The following PPP1R10 variants were observed in gnomAD, a reference collection of about 807,000 sequenced individuals.
PPP1R10 encodes protein phosphatase 1 regulatory subunit 10.
A neutral mutation model predicts 99.0 loss-of-function variants in PPP1R10; 15 were observed. The ratio of observed to expected loss-of-function variants is 0.15; its 90% CI spans 0.10 to 0.23. The LOEUF is 0.23. Ranked by LOEUF, PPP1R10 falls within the 10% of genes least tolerant of loss-of-function variation. The pLI is 1.00. For missense variants in PPP1R10, 947 were observed against 1,259.4 expected (o/e 0.75, Z 3.75); for synonymous variants, 430 against 449.5 (o/e 0.96, Z 0.55).
intron 10 of PPP1R10, 67 bp from the exon 11 acceptor site, chr6:30,605,161 A>G: frequency 7.0e-7 from 1 of 1,419,368 alleles, no homozygotes; most frequent in South Asian, 1.2e-5. Context: ...CTGCAAACAC[A>G]GTCCAGGCAT....
At chr6:30,605,876 A>G in intron 10 of PPP1R10, 47 bp downstream of exon 10, 1 of 1,530,346 alleles carries the variant, frequency 6.5e-7, no homozygotes, top group Non-Finnish European at 8.9e-7. Context: ...AAAAAAAAAA[A>G]AAGTTTGCTC....
Position 30,605,550 on chromosome 6 carries a change from G to T in PPP1R10, c.853+373C>A, listed in dbSNP as rs188310840. 2.5e-3 allele frequency among the ~76,000 whole-genome samples: 385 copies of T among 152,192 alleles called. 3 individuals are homozygous for T. The highest frequency in any genetic ancestry group is 4.6e-3 in the Admixed American group (70 of 15,292). On this transcript the variant is annotated intron_variant, in intron 10 of 19. Coordinates refer to ENST00000376511, the MANE Select transcript of PPP1R10 (RefSeq NM_002714.4). ...AGGGAAAAAACTTCTCGTTCCCAGGGACATTCATTCCCATAAGAGTTTGCT... is the reference window on the plus strand; with the variant it reads ...AGGGAAAAAACTTCTCGTTCCCAGGTACATTCATTCCCATAAGAGTTTGCT...
Position 30,605,042 on chromosome 6 carries a change from G to T in PPP1R10, c.906C>A (p.Gly302=). Residue 302 remains glycine (G), a synonymous_variant, in exon 11 of 20, where the codon GGC becomes GGA. Coordinates refer to ENST00000376511, the MANE Select transcript of PPP1R10 (RefSeq NM_002714.4). The stretch of plus-strand genomic sequence containing the variant: ...CTTTTTTTTTCTTCTTAATTTTGAT[G>T]CCTGGAACAGGGGCTGAATTAAGAG... The part of the protein sequence containing the change: ...LDALNSAPVP[G]IKIKKKKKVL... 2.5e-6 allele frequency: 4 copies of T among 1,612,872 alleles called. No homozygotes were observed. The highest frequency in any genetic ancestry group is 3.4e-6 in the Non-Finnish European group (4 of 1,180,002).
chr6:30,602,772 C>T lies in PPP1R10; in HGVS notation c.1957+74G>A. On this transcript the variant is annotated intron_variant, in intron 18 of 19. Coordinates refer to ENST00000376511, the MANE Select transcript of PPP1R10 (RefSeq NM_002714.4). This position sits in a 1 kb window ranked among gnomAD's most constrained non-coding sequence, Gnocchi z 6.7. ...AACCTAAACCACCACCTCCCACCTT[C>T]CAGTCAATCCTATACTATTATCAGA... The T allele has an allele frequency of 6.4e-7, 1 of 1,553,436 alleles. No homozygotes were observed. The highest frequency in any genetic ancestry group is 1.2e-5 in the South Asian group (1 of 85,392).
intron 2 of PPP1R10, among the ~76,000 whole-genome samples, chr6:30,611,821 C>G (rs1436123523): frequency 6.6e-6 from 1 of 152,104 alleles, no homozygotes; most frequent in Admixed American, 6.5e-5. Flanking sequence ...CAAGTGGAAC[C>G]TGAGGTCAGA....
In PPP1R10 at chr6:30,602,855, G is replaced by A. The variant is rs975193780; in HGVS notation, c.1948C>T (p.Pro650Ser). Reference sequence around the variant, plus strand: ...TTTACTCACCACCTACCTGGCATAGGTCCCCCAGGTCCAGGGGGAAAGTGC... The same window carrying A: ...TTTACTCACCACCTACCTGGCATAGATCCCCCAGGTCCAGGGGGAAAGTGC... ...MQHFPPGPGG[P>S]MPGPHGGPGG... The change falls in exon 18 of 20, where the codon CCT becomes TCT. Residue 650 changes from proline (P) to serine (S), a missense_variant. Coordinates refer to ENST00000376511, the MANE Select transcript of PPP1R10 (RefSeq NM_002714.4). The surrounding 1 kb of genome is among the most constrained non-coding windows in gnomAD (Gnocchi z 6.7). 9.0e-6 allele frequency: 14 copies of A among 1,554,010 alleles called. No homozygotes were observed. In the South Asian group the frequency reaches 1.4e-4, roughly 16 times the overall value.
At chr6:30,607,802 A>C in intron 6 of PPP1R10, 38 bp downstream of exon 6, 6 of 1,585,204 alleles carry the variant, frequency 3.8e-6, no homozygotes, top group Non-Finnish European at 4.3e-6. Context: ...TGGAAGTAAT[A>C]GAGAAAAGCC....
At position 30,602,129 on chromosome 6, in the gene PPP1R10, A is replaced by G; in HGVS notation, c.2520T>C (p.Gly840=). The change falls in exon 19 of 20, where the codon GGT becomes GGC. Residue 840 remains glycine (G), a synonymous_variant. Transcript: ENST00000376511. The surrounding 1 kb of genome is among the most constrained non-coding windows in gnomAD (Gnocchi z 6.7). ...CATGGGGACGATGTCCACCACTTCC[A>G]CCCATGCTTCCGCCAGGGCCTTCGT... is the stretch of plus-strand genomic sequence containing the variant. The part of the protein sequence containing the change: ...RPHEGPGGSM[G]GSGGHRPHEG... 1 of 1,608,454 alleles carries G rather than the reference A, an allele frequency of 6.2e-7. No individual in the cohort carries two copies. The highest frequency in any genetic ancestry group is 8.5e-7 in the Non-Finnish European group (1 of 1,177,542).
chr6:30,607,988 T>C, intron 5 of PPP1R10, 97 bp from the exon 6 acceptor site: 2 of 1,253,486 alleles, frequency 1.6e-6, no homozygotes, highest in Non-Finnish European at 2.3e-6. Flanking sequence ...CCCTGCTTTT[T>C]TTTTTTTTTT....
chr6:30,616,296 G>A (rs1561858043), intron 2 of PPP1R10, among the ~76,000 whole-genome samples, 182 bp downstream of exon 2: 2 of 152,220 alleles, frequency 1.3e-5, no homozygotes, highest in Admixed American at 6.5e-5. Context: ...TGGTAGGGGA[G>A]AGAGAACAAG....
At chr6:30,617,142 C>G (rs571659251) in intron 1 of PPP1R10, 82 bp downstream of exon 1, 2 of 152,994 alleles carry the variant, frequency 1.3e-5, no homozygotes, top group African/African-American at 2.4e-5. Context: ...CTCAAATGAA[C>G]CCATCCATCC....
chr6:30,617,150 TCC>T (rs775318835), intron 1 of PPP1R10, 72 bp downstream of exon 1: 1 of 153,652 alleles, frequency 6.5e-6, no homozygotes, highest in African/African-American at 2.4e-5. Flanking sequence ...AACCCATCCA[TCC>T]CTATCCCGCT....
rs887151431 is a variant in PPP1R10 at position 30,609,465 on chromosome 6, T to C, written c.108-302A>G. Among the ~76,000 whole-genome samples, 24 of 152,238 alleles carry C rather than the reference T, an allele frequency of 1.6e-4. No individual in the cohort carries two copies. Among genetic ancestry groups the C allele is most frequent in the African/African-American group, 5.5e-4 (23 of 41,538 alleles). On this transcript the variant is annotated intron_variant, in intron 3 of 19. Transcript: ENST00000376511. This position sits in a 1 kb window ranked among gnomAD's most constrained non-coding sequence, Gnocchi z 4.5. ...ATCCCTCAACAACTGTCCCTAATAGTCTGTTCAAGACTGGCTTAGTTATTT... is the reference window on the plus strand; with the variant it reads ...ATCCCTCAACAACTGTCCCTAATAGCCTGTTCAAGACTGGCTTAGTTATTT...
chr6:30,610,636 G>C (rs771920551), intron 2 of PPP1R10, among the ~76,000 whole-genome samples: 2 of 152,178 alleles, frequency 1.3e-5, no homozygotes, highest in Non-Finnish European at 2.9e-5. Context: ...CCTAGACCTT[G>C]AATAGACTGT....
At position 30,606,669 on chromosome 6, in the gene PPP1R10, G is replaced by T. The variant is rs892351055; in HGVS notation, c.461-28C>A. 2.5e-6 allele frequency: 4 copies of T among 1,613,772 alleles called. No homozygotes were observed. Among genetic ancestry groups the T allele is most frequent in the Non-Finnish European group, 3.4e-6 (4 of 1,179,834 alleles). On this transcript the variant is annotated intron_variant, in intron 7 of 19. Transcript: ENST00000376511. This position sits in a 1 kb window ranked among gnomAD's most constrained non-coding sequence, Gnocchi z 6.3. ...GTTGTGAAAAAACAAAGCAGAAAAG[G>T]ATTTTATTTAGATGAACACTGTCAG... is the stretch of plus-strand genomic sequence containing the variant.
Position 30,606,253 on chromosome 6 carries a change from G to C in PPP1R10, c.635-10C>G, listed in dbSNP as rs1444674028. ...GTCTCCAGCTCTAGTCCTGGGGAAA[G>C]AAGCACGGTGTGGGCAGCTGAACTC... On this transcript the variant is annotated splice_polypyrimidine_tract_variant and intron_variant, in intron 8 of 19. Transcript: ENST00000376511. This position sits in a 1 kb window ranked among gnomAD's most constrained non-coding sequence, Gnocchi z 6.3. 6.2e-7 allele frequency: 1 copy of C among 1,613,256 alleles called. No individual in the cohort carries two copies. The highest frequency in any genetic ancestry group is 2.2e-5 in the East Asian group (1 of 44,898).
chr6:30,615,720 A>C (rs538801324), intron 2 of PPP1R10, among the ~76,000 whole-genome samples: 1 of 152,296 alleles, frequency 6.6e-6, no homozygotes, highest in East Asian at 1.9e-4. Context: ...TCAAGTTAAA[A>C]TGTTAATCAC....
In PPP1R10 at chr6:30,607,980, C is replaced by A. The variant is rs1267903538; in HGVS notation, c.331-89G>T. 3.9e-6 allele frequency: 5 copies of A among 1,267,306 alleles called. No homozygotes were observed. The African/African-American group carries it at 6.2e-5, about 16-fold the overall frequency. 78.5% of individuals were successfully genotyped at this position (1,267,306 alleles called of 1,614,324 possible). A position where few individuals can be genotyped will look rare whatever the true frequency, so the allele number is the denominator to read the frequency against. ...AAAACGACAAAAGTTACAGTCCTCCCTGCTTTTTTTTTTTTTTTTATTTTT... is the reference window on the plus strand; with the variant it reads ...AAAACGACAAAAGTTACAGTCCTCCATGCTTTTTTTTTTTTTTTTATTTTT... On this transcript the variant is annotated intron_variant, in intron 5 of 19. Coordinates refer to ENST00000376511, the MANE Select transcript of PPP1R10 (RefSeq NM_002714.4).
At position 30,609,870 on chromosome 6, in the gene PPP1R10, G is replaced by T. The variant is rs776154119; in HGVS notation, c.75C>A (p.Val25=). The part of the protein sequence containing the change: ...LDSFLNRDGE[V]KSVDGISKIF... ...TCTTGGAAATCCCATCCACACTTTT[G>T]ACTTCCCCATCTCGGTTAAGGAAGC... Residue 25 remains valine, a synonymous_variant, in exon 3 of 20, where the codon GTC becomes GTA. Transcript: ENST00000376511. This position sits in a 1 kb window ranked among gnomAD's most constrained non-coding sequence, Gnocchi z 4.5. The T allele has an allele frequency of 6.2e-7, 1 of 1,613,962 alleles. No individual in the cohort carries two copies. The highest frequency in any genetic ancestry group is 2.2e-5 in the East Asian group (1 of 44,880).
Sources: gnomAD v4.1 joint callset for allele counts (sites outside exome capture counted in the v4.1 genomes callset) on GRCh38, gnomAD v4.1.1 for gene constraint, Gnocchi (gnomAD v3.1) non-coding constraint, MANE v1.5 for transcripts, NCBI Gene and HGNC (gene_info 2026-07-23, HGNC 2026-07-21) for gene names.